SNRK: variants seen among roughly 807,000 people sequenced by gnomAD.
SNRK encodes SNF related kinase, also known as SNF-related serine/threonine-protein kinase.
SNRK carries 3 observed loss-of-function variants against 48.2 expected under a neutral mutation model. That is an observed-to-expected ratio of 0.06 (90% confidence interval 0.03 to 0.16). The LOEUF (loss-of-function observed/expected upper bound fraction) is 0.16. SNRK is among the 10% of genes least tolerant of loss of function. The pLI, the probability that SNRK is intolerant of heterozygous loss-of-function variation, is 1.00. For missense variants in SNRK, 627 were observed against 976.0 expected, an observed-to-expected ratio of 0.64 and a Z score of 4.76; for synonymous variants, 376 against 366.1, an observed-to-expected ratio of 1.03 and a Z score of -0.31.
In SNRK at chr3:43,303,202, G is replaced by C; in HGVS notation, c.-2G>C. 6.2e-7 allele frequency: 1 copy of C among 1,608,952 alleles called. No individual in the cohort carries two copies. On this transcript the variant is annotated 5_prime_UTR_variant, in exon 3 of 7. Transcript: ENST00000296088. The surrounding 1 kb of genome is among the most constrained non-coding windows in gnomAD (Gnocchi z 6.2). ...AAATATTTTTTCTTCTGTTGGACCA[G>C]CATGGCAGGATTTAAGCGAGGGTAT...
chr3:43,290,857 A>G (rs747184418), intron 1 of SNRK, among the ~76,000 whole-genome samples: 31 of 152,372 alleles, frequency 2.0e-4, no homozygotes, highest in South Asian at 4.1e-4. Context: ...AAAGAACTAA[A>G]TAAAATGAAC....
At chr3:43,310,099 C>A (rs1027605181) in intron 3 of SNRK, among the ~76,000 whole-genome samples, 6 of 152,134 alleles carry the variant, frequency 3.9e-5, no homozygotes, top group African/African-American at 1.4e-4. Flanking sequence ...GAACCGAACC[C>A]ACAGTATCGC....
intron 3 of SNRK, among the ~76,000 whole-genome samples, chr3:43,323,227 A>G (rs966038425): frequency 5.9e-5 from 9 of 152,308 alleles, no homozygotes; most frequent in East Asian, 3.9e-4. Flanking sequence ...AAACTATAAA[A>G]CTTCTAGAAT....
intron 3 of SNRK, among the ~76,000 whole-genome samples, chr3:43,304,875 C>A (rs2090925178): frequency 6.6e-6 from 1 of 152,048 alleles, no homozygotes; most frequent in Non-Finnish European, 1.5e-5. Context: ...TGAGCAGTTT[C>A]TGCCTACTAC....
At chr3:43,343,988 C>T (rs1302324196) in intron 6 of SNRK, among the ~76,000 whole-genome samples, 1 of 152,068 alleles carries the variant, frequency 6.6e-6, no homozygotes, top group Admixed American at 6.6e-5. Context: ...TGGGAGGTTG[C>T]TTAACCTCTC....
At chr3:43,294,968 C>T (rs1364354404) in intron 1 of SNRK, among the ~76,000 whole-genome samples, 1 of 152,092 alleles carries the variant, frequency 6.6e-6, no homozygotes, top group Admixed American at 6.5e-5. Context: ...TCTATACACC[C>T]AGCTTTTGTT....
intron 3 of SNRK, among the ~76,000 whole-genome samples, chr3:43,312,375 A>G (rs969248536): frequency 4.6e-5 from 7 of 152,214 alleles, no homozygotes; most frequent in East Asian, 1.9e-4. Context: ...GTGTGTCCTC[A>G]CACATATTGG....
At chr3:43,316,868 C>G (rs1485479376) in intron 3 of SNRK, among the ~76,000 whole-genome samples, 3 of 151,974 alleles carry the variant, frequency 2.0e-5, no homozygotes, top group Admixed American at 6.6e-5. Flanking sequence ...CACTGCTGTT[C>G]CCTGGAGCTT....
At chr3:43,335,375 C>T (rs972116037) in intron 4 of SNRK, among the ~76,000 whole-genome samples, 11 of 152,146 alleles carry the variant, frequency 7.2e-5, no homozygotes, top group African/African-American at 1.9e-4. Context: ...AAATGTATGG[C>T]GTTTTTCTAA....
At chr3:43,337,961 G>A (rs1220204272) in intron 4 of SNRK, among the ~76,000 whole-genome samples, 1 of 152,104 alleles carries the variant, frequency 6.6e-6, no homozygotes, top group Non-Finnish European at 1.5e-5. Flanking sequence ...TGTTGCCCAG[G>A]CTGGTCTGAG....
chr3:43,298,644 C>T (rs2090875345), intron 1 of SNRK, among the ~76,000 whole-genome samples: 2 of 152,198 alleles, frequency 1.3e-5, no homozygotes, highest in African/African-American at 4.8e-5. Context: ...GGACACCTCT[C>T]ACCATTAGTG....
At chr3:43,300,608 GCC>G (rs34151308) in intron 2 of SNRK, among the ~76,000 whole-genome samples, 4,011 of 147,166 alleles carry the variant, frequency 0.027, 99 homozygotes, top group Non-Finnish European at 0.036. Flanking sequence ...ATAGTTTCCT[GCC>G]CCCCCCCCAG....
At chr3:43,302,803 A>G (rs1372103277) in intron 2 of SNRK, among the ~76,000 whole-genome samples, 4 of 152,118 alleles carry the variant, frequency 2.6e-5, no homozygotes, top group Admixed American at 6.5e-5. Flanking sequence ...TTGTTTTTTA[A>G]ACATGCTTAT....
At chr3:43,300,898 G>A (rs183314186) in intron 2 of SNRK, among the ~76,000 whole-genome samples, 1 of 152,382 alleles carries the variant, frequency 6.6e-6, no homozygotes, top group African/African-American at 2.4e-5. Flanking sequence ...TGCAGACACA[G>A]CGTAGCATAG....
intron 3 of SNRK, among the ~76,000 whole-genome samples, chr3:43,305,934 C>CTA (rs2090934352): frequency 6.6e-6 from 1 of 152,140 alleles, no homozygotes; most frequent in African/African-American, 2.4e-5. Context: ...AGGCTTTCAG[C>CTA]TGTATTGGTG....
chr3:43,289,370 A>T (rs1004316798), intron 1 of SNRK, among the ~76,000 whole-genome samples: 5 of 152,184 alleles, frequency 3.3e-5, no homozygotes, highest in Non-Finnish European at 4.4e-5. Context: ...GAGAAGGCTG[A>T]GACAATGCAA....
intron 4 of SNRK, among the ~76,000 whole-genome samples, chr3:43,339,451 T>A (rs1337181399): frequency 6.6e-6 from 1 of 152,204 alleles, no homozygotes; most frequent in African/African-American, 2.4e-5. Context: ...CTGTTTTACT[T>A]CATTTTTAGT....
At chr3:43,296,436 A>ATATATATATTCATATATATATG (rs2090856259) in intron 1 of SNRK, among the ~76,000 whole-genome samples, 1 of 145,452 alleles carries the variant, frequency 6.9e-6, no homozygotes, top group African/African-American at 2.5e-5. Context: ...ATATATATGT[A>ATATATATATTCATATATATATG]TATATATATA....
intron 3 of SNRK, among the ~76,000 whole-genome samples, chr3:43,320,461 G>A (rs1202931069): frequency 6.6e-6 from 1 of 152,166 alleles, no homozygotes; most frequent in East Asian, 1.9e-4. Flanking sequence ...CCCTGAGATG[G>A]TGTGACTGAT....
Sources: allele counts gnomAD v4.1 joint callset (sites outside exome capture counted in the v4.1 genomes callset), GRCh38; gene constraint gnomAD v4.1.1; non-coding constraint Gnocchi (gnomAD v3.1); transcripts MANE v1.5; gene names NCBI Gene and HGNC (gene_info 2026-07-23, HGNC 2026-07-21).